The following CRB1 variants were observed in gnomAD, a reference collection of about 807,000 sequenced individuals.
CRB1 encodes the protein crumbs cell polarity complex component 1.
CRB1 carries 83 observed loss-of-function variants against 120.0 expected under a neutral mutation model. The ratio of observed to expected loss-of-function variants is 0.69; its 90% confidence interval spans 0.58 to 0.83. The LOEUF (loss-of-function observed/expected upper bound fraction) is 0.83. Among genes scored for constraint, CRB1 ranks in the 40% least tolerant of loss-of-function variants. CRB1 has a pLI of 0.00. For missense variants in CRB1, 1,699 were observed against 1,687.6 expected (o/e 1.01, Z -0.12); for synonymous variants, 625 against 612.5 (o/e 1.02, Z -0.30).
intron 6 of CRB1, among the ~76,000 whole-genome samples, chr1:197,424,016 C>T (rs898522592): frequency 2.6e-5 from 4 of 152,172 alleles, no homozygotes; most frequent in African/African-American, 9.7e-5. Flanking sequence ...CATCACCTAC[C>T]TCTTGCTCTC....
chr1:197,428,867 A>T, intron 7 of CRB1: 1 of 1,186,680 alleles, frequency 8.4e-7, no homozygotes, highest in Non-Finnish European at 1.2e-6. Context: ...CCCAGGACAA[A>T]CACAGTTCAT....
chr1:197,283,987 G>GA (rs1253162684), intron 1 of CRB1, among the ~76,000 whole-genome samples: 1 of 151,720 alleles, frequency 6.6e-6, no homozygotes, highest in African/African-American at 2.4e-5. Context: ...TTCAAGAAAC[G>GA]AAAGATAGTT....
chr1:197,325,124 A>G (rs762461880), intron 1 of CRB1, among the ~76,000 whole-genome samples: 1 of 152,128 alleles, frequency 6.6e-6, no homozygotes, highest in Non-Finnish European at 1.5e-5. Context: ...TTATTCAACA[A>G]ATTTCTATTG....
At chr1:197,373,454 G>C (rs1029742318) in intron 5 of CRB1, among the ~76,000 whole-genome samples, 1 of 152,050 alleles carries the variant, frequency 6.6e-6, no homozygotes, top group African/African-American at 2.4e-5. Context: ...TTGTCACTAG[G>C]GGAAGAAAAT....
chr1:197,241,283 C>T, the CRB1 span, among the ~76,000 whole-genome samples: 3 of 152,024 alleles, frequency 2.0e-5, no homozygotes, highest in African/African-American at 4.8e-5. Flanking sequence ...CCCATGCCTA[C>T]GTCCTGAATG....
intron 1 of CRB1, among the ~76,000 whole-genome samples, chr1:197,307,816 T>C (rs1657259972): frequency 6.6e-6 from 1 of 152,170 alleles, no homozygotes; most frequent in African/African-American, 2.4e-5. Context: ...ACTATATAAC[T>C]TGGAAACATT....
chr1:197,249,941 C>A, the CRB1 span, among the ~76,000 whole-genome samples: 1 of 151,936 alleles, frequency 6.6e-6, no homozygotes, highest in Non-Finnish European at 1.5e-5. Context: ...GTTTGAGTGA[C>A]CCTGGGAAGG....
chr1:197,247,915 T>G, the CRB1 span, among the ~76,000 whole-genome samples: 3 of 152,124 alleles, frequency 2.0e-5, no homozygotes, highest in East Asian at 5.8e-4. Context: ...CATGAATAGG[T>G]GCTTTGGTCA....
At position 197,329,049 on chromosome 1, in the gene CRB1, T is replaced by G. The variant is rs772354063; in HGVS notation, c.652+46T>G. ...ATCACAGATGGTGTAGTTAGCTCTT[T>G]CTAAGTGGCAGAAGCAGAGGTGACA... On this transcript the variant is annotated intron_variant, in intron 2 of 11. Coordinates refer to ENST00000367400, the MANE Select transcript of CRB1 (RefSeq NM_201253.3). 7 of 1,515,664 alleles carry G rather than the reference T, an allele frequency of 4.6e-6. No individual in the cohort carries two copies. The Admixed American group carries it at 6.7e-5, about 14-fold the overall frequency. The allele number at this position is 1,515,664 out of a possible 1,614,324, so 93.9% of individuals were successfully genotyped here.
chr1:197,440,454 T>C (rs1029865888), intron 10 of CRB1: 7 of 152,232 alleles, frequency 4.6e-5, no homozygotes, highest in Admixed American at 4.6e-4. Context: ...TTCTAAAACA[T>C]TGAACCTGTG....
intron 5 of CRB1, among the ~76,000 whole-genome samples, chr1:197,368,447 C>T (rs1229573806): frequency 6.6e-6 from 1 of 152,120 alleles, no homozygotes; most frequent in Non-Finnish European, 1.5e-5. Flanking sequence ...CGCTTGTACT[C>T]CTTTTGATTT....
chr1:197,317,343 G>A (rs1363335933), intron 1 of CRB1, among the ~76,000 whole-genome samples: 1 of 152,066 alleles, frequency 6.6e-6, no homozygotes, highest in African/African-American at 2.4e-5. Flanking sequence ...ACTTGAACTC[G>A]GGAAGCGGAG....
upstream of CRB1, chr1:197,268,087 GT>G: frequency 3.0e-6 from 1 of 336,042 alleles, no homozygotes; most frequent in Non-Finnish European, 5.7e-6. Context: ...CTATTCTAAT[GT>G]AGGCCCTTTT....
At chr1:197,467,068 A>G (rs895209820) in intron 11 of CRB1, among the ~76,000 whole-genome samples, 2 of 152,150 alleles carry the variant, frequency 1.3e-5, no homozygotes, top group African/African-American at 2.4e-5. Flanking sequence ...TAGAGCAGAG[A>G]GAAATAAGCA....
chr1:197,300,387 A>G (rs1234426318), intron 1 of CRB1, among the ~76,000 whole-genome samples: 3 of 151,992 alleles, frequency 2.0e-5, no homozygotes, highest in African/African-American at 4.8e-5. Context: ...AAAAAGTGAA[A>G]GAGCCTTTTT....
chr1:197,227,205 G>A, the CRB1 span, among the ~76,000 whole-genome samples: 1 of 152,038 alleles, frequency 6.6e-6, no homozygotes, highest in Non-Finnish European at 1.5e-5. Flanking sequence ...TCTGAGACAA[G>A]GCAAGTTCCT....
intron 1 of CRB1, among the ~76,000 whole-genome samples, chr1:197,300,481 C>G (rs1196160881): frequency 6.6e-6 from 1 of 151,934 alleles, no homozygotes; most frequent in Non-Finnish European, 1.5e-5. Context: ...TAACCCGGAG[C>G]AAAGCCCCTA....
At chr1:197,443,431 C>T (rs1157997647) in intron 11 of CRB1, 1 of 151,956 alleles carries the variant, frequency 6.6e-6, no homozygotes, top group East Asian at 1.9e-4. Context: ...ACAAATAGAA[C>T]AATTTTTCTG....
chr1:197,441,408 C>T (rs965064241), intron 10 of CRB1: 1 of 151,960 alleles, frequency 6.6e-6, no homozygotes, highest in Admixed American at 6.6e-5. Context: ...TGACAATATC[C>T]CAGGAAGAAG....
Sources: allele counts gnomAD v4.1 joint callset (sites outside exome capture counted in the v4.1 genomes callset), GRCh38; gene constraint gnomAD v4.1.1; transcripts MANE v1.5; gene names NCBI Gene and HGNC (gene_info 2026-07-23, HGNC 2026-07-21).